Variants in LRMDA observed in about 807,000 individuals in gnomAD.
LRMDA encodes leucine rich melanocyte differentiation associated, also known as leucine-rich melanocyte differentiation-associated protein.
LRMDA carries 18 observed loss-of-function variants against 29.8 expected under a neutral mutation model. The observed-to-expected ratio is 0.60, with a 90% CI of 0.42 to 0.90. LRMDA has a LOEUF of 0.90. LRMDA is among the 40% of genes least tolerant of loss of function. The pLI is 0.00. For synonymous variants in LRMDA, 125 were observed against 109.4 expected (o/e 1.14, Z -0.89); for missense variants, 273 against 273.9 (o/e 1.00, Z 0.02).
chr10:76,055,115 A>AAAG (rs1258303467), intron 4 of LRMDA, among the ~76,000 whole-genome samples: 1 of 151,426 alleles, frequency 6.6e-6, no homozygotes, highest in Non-Finnish European at 1.5e-5. Context: ...AGAAAGAAAC[A>AAAG]AAGAAAGGAA....
chr10:76,176,069 A>G (rs1219712848), intron 5 of LRMDA, among the ~76,000 whole-genome samples: 2 of 152,144 alleles, frequency 1.3e-5, no homozygotes, highest in African/African-American at 4.8e-5. Context: ...AGCACCTCCT[A>G]TTTTGCCATT....
At position 75,622,230 on chromosome 10, in the gene LRMDA, A is replaced by C. The variant is rs77385034; in HGVS notation, c.131+183736A>C. 3.7e-3 allele frequency among the ~76,000 whole-genome samples: 568 copies of C among 152,326 alleles called. 20 individuals are homozygous for C. In the East Asian group the frequency reaches 0.096, roughly 26 times the overall value. ...AAGATTCTTAAGGCATTTTCTGTGA[A>C]GTTGAAAATAAATTCAGACATAGAC... On this transcript the variant is annotated intron_variant, in intron 2 of 6. Transcript: ENST00000611255.
At chr10:76,166,840 C>G (rs1850749757) in intron 5 of LRMDA, among the ~76,000 whole-genome samples, 1 of 152,090 alleles carries the variant, frequency 6.6e-6, no homozygotes, top group Non-Finnish European at 1.5e-5. Context: ...AATGGTAGCT[C>G]TATTTTTAGC....
chr10:76,010,314 CT>C (rs71024580), intron 2 of LRMDA, among the ~76,000 whole-genome samples: 402 of 138,818 alleles, frequency 2.9e-3, no homozygotes, highest in East Asian at 5.4e-3. Flanking sequence ...AATTTATATC[CT>C]TTTTTTTTTT....
At chr10:76,088,069 G>A (rs1282733691) in intron 5 of LRMDA, among the ~76,000 whole-genome samples, 1 of 152,166 alleles carries the variant, frequency 6.6e-6, no homozygotes, top group Non-Finnish European at 1.5e-5. Flanking sequence ...ACAGTGAGCC[G>A]TGATTATACC....
intron 2 of LRMDA, among the ~76,000 whole-genome samples, chr10:75,523,293 T>C (rs1230168270): frequency 6.6e-6 from 1 of 152,214 alleles, no homozygotes; most frequent in Non-Finnish European, 1.5e-5. Context: ...TGTGTCATAC[T>C]GAGGACGTCC....
intron 6 of LRMDA, among the ~76,000 whole-genome samples, chr10:76,518,951 A>C (rs569768436): frequency 4.6e-5 from 7 of 152,314 alleles, no homozygotes; most frequent in South Asian, 2.1e-4. Context: ...ACTAAGTATC[A>C]CATGTTCTCT....
At chr10:76,321,142 A>G (rs1250798264) in intron 5 of LRMDA, among the ~76,000 whole-genome samples, 3 of 152,220 alleles carry the variant, frequency 2.0e-5, no homozygotes, top group African/African-American at 7.2e-5. Context: ...TAATGCTGCA[A>G]TAAACATTGT....
At chr10:75,917,398 C>T (rs1845952111) in intron 2 of LRMDA, among the ~76,000 whole-genome samples, 1 of 152,184 alleles carries the variant, frequency 6.6e-6, no homozygotes, top group Non-Finnish European at 1.5e-5. Context: ...AACACGACTC[C>T]ATGCTGTCCC....
intron 2 of LRMDA, among the ~76,000 whole-genome samples, chr10:75,534,601 C>G (rs1454078253): frequency 1.3e-5 from 2 of 152,176 alleles, no homozygotes; most frequent in African/African-American, 4.8e-5. Flanking sequence ...TCTTGGCAGG[C>G]AAGCTGCCTT....
chr10:76,222,667 G>T (rs1432713359), intron 5 of LRMDA, among the ~76,000 whole-genome samples: 2 of 152,216 alleles, frequency 1.3e-5, no homozygotes, highest in Non-Finnish European at 2.9e-5. Flanking sequence ...TACACTGTTG[G>T]TGGGACTGTA....
intron 2 of LRMDA, among the ~76,000 whole-genome samples, chr10:75,717,425 G>C (rs1377146312): frequency 6.6e-6 from 1 of 152,250 alleles, no homozygotes; most frequent in Non-Finnish European, 1.5e-5. Context: ...GAAGGCTTGA[G>C]CACATAAAAC....
At chr10:76,467,183 G>A (rs934710289) in intron 6 of LRMDA, among the ~76,000 whole-genome samples, 3 of 152,196 alleles carry the variant, frequency 2.0e-5, no homozygotes, top group African/African-American at 4.8e-5. Context: ...TATGGAAAAC[G>A]TGAATTAAGT....
At chr10:76,339,059 A>G (rs1323224771) in intron 6 of LRMDA, among the ~76,000 whole-genome samples, 2 of 152,212 alleles carry the variant, frequency 1.3e-5, no homozygotes, top group African/African-American at 4.8e-5. Context: ...AATGACAGCT[A>G]AATGAATGGA....
At chr10:76,221,311 A>T (rs1176274111) in intron 5 of LRMDA, among the ~76,000 whole-genome samples, 1 of 152,236 alleles carries the variant, frequency 6.6e-6, no homozygotes, top group African/African-American at 2.4e-5. Context: ...GTATTCAATT[A>T]GGAAAAGAGG....
At chr10:76,220,347 G>T (rs1412780024) in intron 5 of LRMDA, among the ~76,000 whole-genome samples, 2 of 151,736 alleles carry the variant, frequency 1.3e-5, no homozygotes, top group Non-Finnish European at 2.9e-5. Context: ...TTTTTGAAAG[G>T]ATCAACAAAA....
intron 2 of LRMDA, among the ~76,000 whole-genome samples, chr10:75,895,068 AG>A (rs1425317024): frequency 6.6e-6 from 1 of 152,186 alleles, no homozygotes; most frequent in Non-Finnish European, 1.5e-5. Context: ...AAGAACTTGA[AG>A]TCCTGGAGAA....
chr10:75,472,163 A>T (rs1404672787), intron 2 of LRMDA, among the ~76,000 whole-genome samples: 1 of 152,120 alleles, frequency 6.6e-6, no homozygotes, highest in Non-Finnish European at 1.5e-5. Context: ...TCAGCTCAAC[A>T]TCTATAGCCT....
chr10:76,109,697 A>G (rs1049589814), intron 5 of LRMDA, among the ~76,000 whole-genome samples: 4 of 152,326 alleles, frequency 2.6e-5, no homozygotes, highest in Admixed American at 2.0e-4. Context: ...TGGCTCCACT[A>G]TTCTACCATT....
Sources: gnomAD v4.1 joint callset for allele counts (sites outside exome capture counted in the v4.1 genomes callset) on GRCh38, gnomAD v4.1.1 for gene constraint, MANE v1.5 for transcripts, NCBI Gene and HGNC (gene_info 2026-07-23, HGNC 2026-07-21) for gene names.